Variants in MGAT5 observed in about 807,000 individuals in gnomAD.
The protein encoded by MGAT5 is alpha-1,6-mannosylglycoprotein 6-beta-N-acetylglucosaminyltransferase.
In MGAT5, 30 loss-of-function variants were observed where a neutral mutation model predicts 94.3. That is an observed-to-expected ratio of 0.32 (90% CI 0.24 to 0.43). The LOEUF is 0.43. Ranked by LOEUF, MGAT5 falls within the 20% of genes least tolerant of loss-of-function variation. The probability of loss-of-function intolerance (pLI) is 1.00; values close to 1 mark genes in which losing one functional copy is unlikely to be tolerated. For missense variants in MGAT5, 691 were observed against 905.5 expected (o/e 0.76, Z 3.04); for synonymous variants, 310 against 322.9 (o/e 0.96, Z 0.43).
At chr2:134,360,334 A>T (rs1233799588) in intron 9 of MGAT5, among the ~76,000 whole-genome samples, 1 of 152,144 alleles carries the variant, frequency 6.6e-6, no homozygotes, top group Non-Finnish European at 1.5e-5. Flanking sequence ...CTTTCACACA[A>T]AAATATGTTA....
intron 1 of MGAT5, among the ~76,000 whole-genome samples, chr2:134,178,965 G>A (rs577599054): frequency 9.9e-5 from 15 of 152,278 alleles, no homozygotes; most frequent in African/African-American, 3.4e-4. Context: ...CTGTATTTGT[G>A]AATTTGTGTC....
chr2:134,435,457 T>A (rs937387140), intron 14 of MGAT5, among the ~76,000 whole-genome samples: 2 of 152,146 alleles, frequency 1.3e-5, no homozygotes, highest in Non-Finnish European at 2.9e-5. Context: ...CTGCCAACAG[T>A]CTCACTTCAT....
intron 10 of MGAT5, among the ~76,000 whole-genome samples, chr2:134,394,534 A>C (rs1036393819): frequency 2.0e-5 from 3 of 152,248 alleles, no homozygotes; most frequent in Non-Finnish European, 4.4e-5. Flanking sequence ...CAATATATAG[A>C]TAGAATTCTC....
At chr2:134,151,150 T>C (rs1687149347) in intron 1 of MGAT5, among the ~76,000 whole-genome samples, 2 of 151,984 alleles carry the variant, frequency 1.3e-5, no homozygotes, top group Non-Finnish European at 2.9e-5. Flanking sequence ...CCATGGGACC[T>C]CACTCACGCC....
intron 13 of MGAT5, among the ~76,000 whole-genome samples, chr2:134,423,802 A>C (rs1243404030): frequency 4.6e-5 from 7 of 151,688 alleles, no homozygotes; most frequent in African/African-American, 1.7e-4. Context: ...AATGTATGTA[A>C]AGTGCTTAAG....
chr2:134,344,246 T>G (rs1355711309), intron 7 of MGAT5, among the ~76,000 whole-genome samples: 1 of 152,044 alleles, frequency 6.6e-6, no homozygotes, highest in Non-Finnish European at 1.5e-5. Context: ...TTTGTGTGGA[T>G]GGATGCATGG....
At position 134,338,437 on chromosome 2, in the gene MGAT5, T is replaced by C. The variant is rs201311746; in HGVS notation, c.807+17T>C. 6.3e-7 allele frequency: 1 copy of C among 1,580,586 alleles called. No individual in the cohort carries two copies. The highest frequency in any genetic ancestry group is 1.4e-5 in the African/African-American group (1 of 73,092). On this transcript the variant is annotated intron_variant, in intron 6 of 15. Transcript: ENST00000281923. ...CGGAAGAAAGTGAGTTTCTTATTAA[T>C]TCAGTGCAGTTAGATGCCAGCTTTC...
intron 15 of MGAT5, among the ~76,000 whole-genome samples, chr2:134,446,461 C>T (rs1355820347): frequency 1.3e-5 from 2 of 152,174 alleles, no homozygotes; most frequent in African/African-American, 4.8e-5. Context: ...TAAATATAAA[C>T]CTGTATCCCA....
upstream of MGAT5, among the ~76,000 whole-genome samples, chr2:134,249,237 GT>G (rs930656886): frequency 1.1e-4 from 16 of 144,132 alleles, no homozygotes; most frequent in African/African-American, 3.3e-4. Flanking sequence ...TTTTTTAACA[GT>G]TTTTTTTTTG....
chr2:134,223,012 T>C (rs1038348368), intron 1 of MGAT5, among the ~76,000 whole-genome samples: 3 of 152,022 alleles, frequency 2.0e-5, no homozygotes, highest in African/African-American at 7.3e-5. Flanking sequence ...TCTATATCTA[T>C]ATTTATCTTC....
chr2:134,221,012 G>GT (rs896509612), intron 1 of MGAT5, among the ~76,000 whole-genome samples: 2 of 152,118 alleles, frequency 1.3e-5, no homozygotes, highest in African/African-American at 4.8e-5. Context: ...TTGTCCTGCA[G>GT]TTTTTTGTGG....
intron 10 of MGAT5, among the ~76,000 whole-genome samples, chr2:134,381,536 C>CAGATAGATAGATAGATAGATAGATAGAT (rs57978433): frequency 1.1e-4 from 16 of 146,960 alleles, no homozygotes; most frequent in South Asian, 2.3e-4. Flanking sequence ...GACAGACAGA[C>CAGATAGATAGATAGATAGATAGATAGAT]AGATAGATAG....
intron 14 of MGAT5, among the ~76,000 whole-genome samples, chr2:134,440,733 G>A (rs991771337): frequency 1.3e-5 from 2 of 152,162 alleles, no homozygotes; most frequent in Non-Finnish European, 2.9e-5. Context: ...GCCTGATTGC[G>A]GTGCCATGTT....
intron 1 of MGAT5, among the ~76,000 whole-genome samples, chr2:134,265,003 T>C (rs776850446): frequency 7.9e-5 from 12 of 152,260 alleles, no homozygotes; most frequent in Non-Finnish European, 1.8e-4. Context: ...GATCTCAACC[T>C]TGGCTGTGCC....
intron 8 of MGAT5, among the ~76,000 whole-genome samples, chr2:134,345,798 G>T (rs993408303): frequency 6.6e-6 from 1 of 152,144 alleles, no homozygotes; most frequent in African/African-American, 2.4e-5. Flanking sequence ...AACAATGTGA[G>T]AGTAGCTGTG....
At chr2:134,261,082 G>A (rs1020654754) in intron 1 of MGAT5, among the ~76,000 whole-genome samples, 10 of 152,090 alleles carry the variant, frequency 6.6e-5, no homozygotes, top group African/African-American at 2.2e-4. Flanking sequence ...AAATGTTTTA[G>A]ACAGGAGGAG....
intron 1 of MGAT5, among the ~76,000 whole-genome samples, chr2:134,264,017 G>GTTTTGTTTTT: frequency 9.2e-6 from 1 of 108,938 alleles, no homozygotes; most frequent in Non-Finnish European, 1.8e-5. Flanking sequence ...ATGCCATTAG[G>GTTTTGTTTTT]TTTTTTTTTT....
chr2:134,367,966 A>G (rs74775676), intron 10 of MGAT5, among the ~76,000 whole-genome samples: 18,030 of 152,254 alleles, frequency 0.12, 1,393 homozygotes, highest in Admixed American at 0.19. Flanking sequence ...GGCAGCTATT[A>G]TCTTCCTTAA....
chr2:134,170,012 C>T (rs1273537387), intron 1 of MGAT5, among the ~76,000 whole-genome samples: 1 of 152,112 alleles, frequency 6.6e-6, no homozygotes, highest in East Asian at 1.9e-4. Flanking sequence ...AGTCACCTGC[C>T]ACCCATGGAC....
Sources: allele counts gnomAD v4.1 joint callset (sites outside exome capture counted in the v4.1 genomes callset), GRCh38; gene constraint gnomAD v4.1.1; transcripts MANE v1.5; gene names NCBI Gene and HGNC (gene_info 2026-07-23, HGNC 2026-07-21).